CDH13: variants seen among roughly 807,000 people sequenced by gnomAD.
CDH13 encodes the protein cadherin-13.
CDH13 carries 24 observed loss-of-function variants against 63.8 expected under a neutral mutation model. The observed-to-expected ratio is 0.38, with a 90% CI of 0.27 to 0.53. The LOEUF (loss-of-function observed/expected upper bound fraction) is 0.53, where lower values mean the gene tolerates loss of function less well. Among genes scored for constraint, CDH13 ranks in the 20% least tolerant of loss-of-function variants. CDH13 has a pLI of 0.85. For missense variants in CDH13, 1,049 were observed against 903.1 expected (o/e 1.16, Z -2.07); for synonymous variants, 503 against 355.3 (o/e 1.42, Z -4.67).
At chr16:83,334,264 TTC>T (rs1293751089) in intron 5 of CDH13, among the ~76,000 whole-genome samples, 3 of 148,474 alleles carry the variant, frequency 2.0e-5, no homozygotes, top group Non-Finnish European at 4.5e-5. Context: ...CTCTCTCTGT[TTC>T]TCTCTTTCTT....
At chr16:83,495,354 A>T (rs528785452) in intron 7 of CDH13, among the ~76,000 whole-genome samples, 4 of 152,314 alleles carry the variant, frequency 2.6e-5, no homozygotes, top group African/African-American at 7.2e-5. Context: ...AAAGAGTTTA[A>T]AGACCTGGAA....
intron 6 of CDH13, among the ~76,000 whole-genome samples, chr16:83,435,383 C>A (rs1423323216): frequency 6.6e-6 from 1 of 152,102 alleles, no homozygotes; most frequent in South Asian, 2.1e-4. Context: ...GCAAAATGAT[C>A]TTTTTTCCAA....
chr16:82,698,620 A>C (rs1567639647), intron 1 of CDH13, among the ~76,000 whole-genome samples: 2 of 152,182 alleles, frequency 1.3e-5, no homozygotes, highest in African/African-American at 4.8e-5. Context: ...GACAAGCTCA[A>C]TTCTACAGGT....
intron 2 of CDH13, among the ~76,000 whole-genome samples, chr16:82,936,636 A>G (rs2042675695): frequency 6.6e-6 from 1 of 152,122 alleles, no homozygotes; most frequent in Admixed American, 6.5e-5. Flanking sequence ...TGCATTTCTA[A>G]CTAGTCCCCC....
intron 11 of CDH13, among the ~76,000 whole-genome samples, chr16:83,773,726 C>A (rs10514599): frequency 3.3e-5 from 5 of 152,056 alleles, no homozygotes; most frequent in Non-Finnish European, 5.9e-5. Flanking sequence ...CTTGGTCAAG[C>A]CTATCTATCC....
At chr16:83,069,987 A>G (rs995128543) in intron 3 of CDH13, among the ~76,000 whole-genome samples, 3 of 152,202 alleles carry the variant, frequency 2.0e-5, no homozygotes, top group South Asian at 2.1e-4. Context: ...AAATTGGGCC[A>G]ATGGCACTTT....
At chr16:83,345,857 C>G (rs2090828227) in intron 6 of CDH13, among the ~76,000 whole-genome samples, 2 of 152,090 alleles carry the variant, frequency 1.3e-5, no homozygotes, top group African/African-American at 4.8e-5. Flanking sequence ...AGATTATGCC[C>G]AAATAGGTAA....
intron 8 of CDH13, among the ~76,000 whole-genome samples, chr16:83,634,117 CTGTGTGTGTGTGTGTGTATGTG>C (rs1911033104): frequency 1.3e-5 from 1 of 77,010 alleles, no homozygotes; most frequent in Non-Finnish European, 2.8e-5. Flanking sequence ...TGTGTGTTTT[CTGTGTGTGTGTGTGTGTATGTG>C]TGTGTGTGTG....
At chr16:82,833,178 A>G (rs553242877) in intron 1 of CDH13, among the ~76,000 whole-genome samples, 1 of 152,330 alleles carries the variant, frequency 6.6e-6, no homozygotes, top group Admixed American at 6.5e-5. Flanking sequence ...TAAAAAACAA[A>G]TGTTTCGGAT....
rs79328380 is a variant in CDH13 at position 82,650,258 on chromosome 16, A to C, written c.45+23121A>C. The stretch of plus-strand genomic sequence containing the variant: ...ATTTTTTTCTCCTTTTTGAAAAAAG[A>C]GTTAATAAACAGAGGCTGTTCAATA... On this transcript the variant is annotated intron_variant, in intron 1 of 13. Coordinates refer to ENST00000567109, the MANE Select transcript of CDH13 (RefSeq NM_001257.5). Among the ~76,000 whole-genome samples, 569 of 152,326 alleles carry C rather than the reference A, an allele frequency of 3.7e-3. 4 individuals carry two copies. Among genetic ancestry groups the C allele is most frequent in the African/African-American group, 0.013 (536 of 41,560 alleles).
chr16:83,070,790 A>G (rs1416112052), intron 3 of CDH13, among the ~76,000 whole-genome samples: 1 of 151,952 alleles, frequency 6.6e-6, no homozygotes, highest in Non-Finnish European at 1.5e-5. Context: ...TAGTTCAGCA[A>G]AGGAGTTGTC....
intron 1 of CDH13, among the ~76,000 whole-genome samples, chr16:82,811,396 A>G (rs991065172): frequency 5.9e-5 from 9 of 152,166 alleles, no homozygotes; most frequent in South Asian, 2.1e-4. Context: ...AACTATTGCA[A>G]TTTTGAAGTA....
chr16:83,486,862 C>A (rs1381171080), intron 7 of CDH13, among the ~76,000 whole-genome samples: 1 of 152,056 alleles, frequency 6.6e-6, no homozygotes, highest in Non-Finnish European at 1.5e-5. Context: ...GGCTAAAGCG[C>A]CTGGAACTGT....
chr16:83,026,828 T>C (rs147274060), intron 2 of CDH13, among the ~76,000 whole-genome samples: 21 of 152,216 alleles, frequency 1.4e-4, no homozygotes, highest in Non-Finnish European at 2.1e-4. Context: ...CCAACCATTC[T>C]TTGGGGCTAT....
At chr16:82,828,320 A>T (rs2038353401) in intron 1 of CDH13, among the ~76,000 whole-genome samples, 1 of 152,124 alleles carries the variant, frequency 6.6e-6, no homozygotes, top group Non-Finnish European at 1.5e-5. Context: ...TGAACTATGG[A>T]TCAAAAGTAT....
chr16:83,752,110 A>G (rs1032578801), intron 11 of CDH13, among the ~76,000 whole-genome samples: 1 of 152,256 alleles, frequency 6.6e-6, no homozygotes, highest in African/African-American at 2.4e-5. Context: ...GATCAGCTAA[A>G]GTAACAATGG....
At chr16:83,557,126 A>G (rs1365964036) in intron 7 of CDH13, among the ~76,000 whole-genome samples, 2 of 152,152 alleles carry the variant, frequency 1.3e-5, no homozygotes, top group African/African-American at 4.8e-5. Context: ...TTAGAGTCTC[A>G]TAGGAGTATG....
intron 6 of CDH13, among the ~76,000 whole-genome samples, chr16:83,455,678 C>T (rs2073005574): frequency 6.6e-6 from 1 of 152,146 alleles, no homozygotes; most frequent in Non-Finnish European, 1.5e-5. Context: ...ATTTATCCCT[C>T]TTCAGAATCC....
chr16:83,290,973 C>T (rs1057186963), intron 5 of CDH13, among the ~76,000 whole-genome samples: 1 of 152,154 alleles, frequency 6.6e-6, no homozygotes, highest in Admixed American at 6.5e-5. Flanking sequence ...TTCCACTTCG[C>T]CTTTGCTAAT....
Sources: gnomAD v4.1 joint callset for allele counts (sites outside exome capture counted in the v4.1 genomes callset) on GRCh38, gnomAD v4.1.1 for gene constraint, MANE v1.5 for transcripts, NCBI Gene and HGNC (gene_info 2026-07-23, HGNC 2026-07-21) for gene names.